The following APLP2 variants were observed in gnomAD, a reference collection of about 807,000 sequenced individuals.
The protein encoded by APLP2 is CDEI box-binding protein.
Under a neutral mutation model 89.9 loss-of-function variants are expected in APLP2, and 53 were observed. That is an observed-to-expected ratio of 0.59 (90% CI 0.47 to 0.74). The LOEUF is 0.74. Ranked by LOEUF, APLP2 falls within the 30% of genes least tolerant of loss-of-function variation. APLP2 has a pLI of 0.00. For synonymous variants in APLP2, 372 were observed against 348.6 expected (o/e 1.07, Z -0.75); for missense variants, 973 against 975.9 (o/e 1.00, Z 0.04).
intron 1 of APLP2, among the ~76,000 whole-genome samples, chr11:130,105,473 C>T (rs1466048327): frequency 2.0e-5 from 3 of 152,100 alleles, no homozygotes; most frequent in Non-Finnish European, 4.4e-5. Flanking sequence ...AAAACCATGT[C>T]ATGTATATGC....
intron 1 of APLP2, chr11:130,070,770 G>A (rs1335054819): frequency 2.2e-6 from 3 of 1,393,542 alleles, no homozygotes; most frequent in South Asian, 1.5e-5. Flanking sequence ...CTTTCGTGAG[G>A]GTTTCAGTGA....
chr11:130,084,934 G>T (rs1179772864), intron 1 of APLP2, among the ~76,000 whole-genome samples: 1 of 152,094 alleles, frequency 6.6e-6, no homozygotes, highest in African/African-American at 2.4e-5. Flanking sequence ...AAGAAAAACA[G>T]AAGACACAAA....
At chr11:130,078,735 T>C (rs1734747674) in intron 1 of APLP2, among the ~76,000 whole-genome samples, 1 of 152,116 alleles carries the variant, frequency 6.6e-6, no homozygotes, top group Non-Finnish European at 1.5e-5. Context: ...TCCCTTCTGC[T>C]CGGCTCTGTC....
At position 130,126,743 on chromosome 11, in the gene APLP2, C is replaced by T. The variant is rs771935328; in HGVS notation, c.1134C>T (p.Phe378=). 6.2e-6 allele frequency: 10 copies of T among 1,614,164 alleles called. No homozygotes were observed. Among genetic ancestry groups the T allele is most frequent in the Middle Eastern group, 1.6e-4 (1 of 6,062 alleles). Residue 378 remains phenylalanine (F), a synonymous_variant, in exon 8 of 17, where the codon TTC becomes TTT. Coordinates refer to ENST00000338167, the MANE Select transcript of APLP2 (RefSeq NM_001142276.2). ...PLPTNDVDVY[F]ETSADDNEHA... ...CAACCAATGATGTTGATGTGTATTT[C>T]GAGACCTCTGCAGATGATAATGAGC...
intron 1 of APLP2, among the ~76,000 whole-genome samples, chr11:130,081,544 TTA>T (rs1943151711): frequency 6.6e-6 from 1 of 152,186 alleles, no homozygotes; most frequent in Non-Finnish European, 1.5e-5. Context: ...TTCTTTGAAC[TTA>T]TATAAATGCT....
chr11:130,135,940 A>G (rs1043542179), intron 13 of APLP2, among the ~76,000 whole-genome samples: 2 of 152,142 alleles, frequency 1.3e-5, no homozygotes, highest in African/African-American at 4.8e-5. Flanking sequence ...TAATTCTCCC[A>G]TTTCAAGATG....
chr11:130,109,409 A>G lies in APLP2; in HGVS notation c.106-20A>G. 1 of 1,602,480 alleles carries G rather than the reference A, an allele frequency of 6.2e-7. No homozygotes were observed. Among genetic ancestry groups the G allele is most frequent in the East Asian group, 2.2e-5 (1 of 44,712 alleles). On this transcript the variant is annotated intron_variant, in intron 1 of 16. Coordinates refer to ENST00000338167, the MANE Select transcript of APLP2 (RefSeq NM_001142276.2). ...GCTAGCCTTCTTGGAGTAAACCTGC[A>G]ATTTTTTTCCCTTTGGTAGGCTCTT...
At chr11:130,120,929 C>T (rs1949738862) in intron 4 of APLP2, 111 bp downstream of exon 4, 4 of 756,228 alleles carry the variant, frequency 5.3e-6, no homozygotes, top group Middle Eastern at 2.3e-4. Flanking sequence ...CCCCCATTAT[C>T]TCCTTAAGGT....
intron 1 of APLP2, among the ~76,000 whole-genome samples, chr11:130,083,688 C>T (rs1050816954): frequency 3.3e-5 from 5 of 151,892 alleles, no homozygotes; most frequent in African/African-American, 9.7e-5. Context: ...AACAATATTC[C>T]ATTTTATGTA....
intron 1 of APLP2, among the ~76,000 whole-genome samples, chr11:130,082,959 C>G (rs1369771791): frequency 1.3e-5 from 2 of 150,360 alleles, no homozygotes; most frequent in East Asian, 3.9e-4. Flanking sequence ...CTAAAGTCCA[C>G]AGATCTTTTT....
intron 1 of APLP2, among the ~76,000 whole-genome samples, chr11:130,078,714 A>G (rs1942585273): frequency 6.6e-6 from 1 of 152,012 alleles, no homozygotes; most frequent in African/African-American, 2.4e-5. Context: ...TTTATTGTCA[A>G]GGTCATCCTT....
intron 16 of APLP2, among the ~76,000 whole-genome samples, chr11:130,142,677 G>A (rs771171942): frequency 6.6e-6 from 1 of 152,092 alleles, no homozygotes; most frequent in Non-Finnish European, 1.5e-5. Flanking sequence ...GCAGTGGCGC[G>A]ATCTCAGCGC....
In APLP2 at chr11:130,070,047, A is replaced by T. The variant is rs1940564701; in HGVS notation, c.70A>T (p.Thr24Ser). ...CCTGCTTCTGCTGCTGGTGGGGCTC[A>T]CGGCGCCTGCCTTGGCGCTGGCCGG... Reference protein sequence around the residue: ...RLLLLLLVGLTAPALALAGYI... With the variant: ...RLLLLLLVGLSAPALALAGYI... The change falls in exon 1 of 17, where the codon ACG becomes TCG. Residue 24 changes from threonine (T) to serine (S), a missense_variant. Physicochemically the swap from Thr to Ser is moderately conservative, Grantham distance 58. Coordinates refer to ENST00000338167, the MANE Select transcript of APLP2 (RefSeq NM_001142276.2). The T allele has an allele frequency of 3.3e-6, 5 of 1,508,398 alleles. No individual in the cohort carries two copies. The highest frequency in any genetic ancestry group is 4.4e-6 in the Non-Finnish European group (5 of 1,136,712). 93.4% of individuals were successfully genotyped at this position (1,508,398 alleles called of 1,614,324 possible).
chr11:130,094,825 C>G (rs1945973879), intron 1 of APLP2, among the ~76,000 whole-genome samples: 1 of 152,180 alleles, frequency 6.6e-6, no homozygotes, highest in Admixed American at 6.5e-5. Context: ...CTCATGAGAG[C>G]TGTGCCGAGG....
chr11:130,137,182 AAAG>A, intron 13 of APLP2: 1 of 1,342,392 alleles, frequency 7.4e-7, no homozygotes, highest in Middle Eastern at 1.8e-4. Context: ...AGAAATTTTA[AAAG>A]AAGCCATTTT....
chr11:130,072,101 T>A (rs1032369573), intron 1 of APLP2, among the ~76,000 whole-genome samples: 9 of 152,294 alleles, frequency 5.9e-5, no homozygotes, highest in Middle Eastern at 3.4e-3. Context: ...GTTGACTGAA[T>A]TAATCTCTTA....
chr11:130,133,599 A>C (rs199716150), intron 11 of APLP2, 30 bp from the exon 12 acceptor site: 155 of 1,573,198 alleles, frequency 9.9e-5, no homozygotes, highest in Admixed American at 1.7e-4. Context: ...TTTCAGTCAC[A>C]ACACCTCTCC....
chr11:130,071,189 AT>A (rs1275527031), intron 1 of APLP2, among the ~76,000 whole-genome samples: 2 of 149,846 alleles, frequency 1.3e-5, no homozygotes, highest in Non-Finnish European at 2.9e-5. Context: ...TTGATTGGGC[AT>A]TAATTGAGAG....
intron 13 of APLP2, chr11:130,137,153 T>A (rs1249300984): frequency 9.5e-6 from 10 of 1,055,212 alleles, no homozygotes; most frequent in Non-Finnish European, 1.4e-5. Flanking sequence ...TTGTTCACAT[T>A]ATAGAGAAAT....
Sources: gnomAD v4.1 joint callset for allele counts (sites outside exome capture counted in the v4.1 genomes callset) on GRCh38, gnomAD v4.1.1 for gene constraint, MANE v1.5 for transcripts, NCBI Gene and HGNC (gene_info 2026-07-23, HGNC 2026-07-21) for gene names.